Variants in IGLL5 observed in about 807,000 individuals in gnomAD.
The protein encoded by IGLL5 is immunoglobulin lambda-like polypeptide 5.
IGLL5 carries 30 observed loss-of-function variants against 20.9 expected under a neutral mutation model. The ratio of observed to expected loss-of-function variants is 1.44; its 90% CI spans 1.07 to 1.95. The LOEUF is 1.95. IGLL5 is among the 30% of genes most tolerant of loss of function. The pLI is 0.00. For synonymous variants in IGLL5, 203 were observed against 117.3 expected (o/e 1.73, Z -4.72); for missense variants, 475 against 270.7 (o/e 1.75, Z -5.30).
intron 1 of IGLL5, among the ~76,000 whole-genome samples, chr22:22,888,651 T>C (rs1228301875): frequency 4.0e-5 from 6 of 151,194 alleles, no homozygotes; most frequent in South Asian, 2.1e-4. Flanking sequence ...TCTCTGCCCA[T>C]GTGCCTCCTG....
intron 1 of IGLL5, among the ~76,000 whole-genome samples, chr22:22,893,161 T>C (rs1046018368): frequency 5.3e-5 from 8 of 150,872 alleles, no homozygotes; most frequent in African/African-American, 9.7e-5. Context: ...GGATGATAGA[T>C]TGATGGACAA....
intron 1 of IGLL5, among the ~76,000 whole-genome samples, chr22:22,888,573 A>G (rs1464446210): frequency 2.0e-5 from 3 of 151,358 alleles, no homozygotes; most frequent in African/African-American, 2.4e-5. Context: ...AGGCAGGGAC[A>G]GGACATCCAC....
chr22:22,889,542 A>T (rs540769342), intron 1 of IGLL5, among the ~76,000 whole-genome samples: 1 of 151,298 alleles, frequency 6.6e-6, no homozygotes, highest in East Asian at 2.0e-4. Flanking sequence ...AAAAAATCCA[A>T]ATATCTACCA....
chr22:22,890,183 A>G (rs1384122955), intron 1 of IGLL5, among the ~76,000 whole-genome samples: 3 of 149,890 alleles, frequency 2.0e-5, no homozygotes, highest in African/African-American at 2.5e-5. Context: ...AAAAAGATTA[A>G]GCAGAGAAGT....
chr22:22,888,331 C>T (rs2067582936), intron 1 of IGLL5, 72 bp downstream of exon 1: 2 of 1,430,868 alleles, frequency 1.4e-6, no homozygotes, highest in Non-Finnish European at 1.9e-6. Context: ...CAAGGGGAGA[C>T]AAGCCAGAGG....
intron 1 of IGLL5, among the ~76,000 whole-genome samples, chr22:22,890,577 GT>G (rs1229273670): frequency 7.0e-6 from 1 of 143,266 alleles, no homozygotes; most frequent in Non-Finnish European, 1.5e-5. Context: ...GTGTGTGTGT[GT>G]GTGTGTGTGT....
Position 22,895,752 on chromosome 22 carries a change from G to T in IGLL5, c.*58G>T, listed in dbSNP as rs2066754628. 1 of 1,514,810 alleles carries T rather than the reference G, an allele frequency of 6.6e-7. No individual in the cohort carries two copies. Among genetic ancestry groups the T allele is most frequent in the Non-Finnish European group, 9.2e-7 (1 of 1,090,542 alleles). 93.8% of individuals were successfully genotyped at this position (1,514,810 alleles called of 1,614,324 possible). ...GGAGCTGCAGGATCCCAGGGGAGGG[G>T]TCTCTCTCCCCATCCCAAGTCATCC... is the stretch of plus-strand genomic sequence containing the variant. On this transcript the variant is annotated 3_prime_UTR_variant, in exon 3 of 3. Coordinates refer to ENST00000526893, the MANE Select transcript of IGLL5 (RefSeq NM_001178126.2).
chr22:22,894,043 G>C, intron 2 of IGLL5, among the ~76,000 whole-genome samples: 1 of 150,954 alleles, frequency 6.6e-6, no homozygotes, highest in African/African-American at 2.4e-5. Flanking sequence ...GGCCTGAGCT[G>C]GGATTGGGCA....
At position 22,893,764 on chromosome 22, in the gene IGLL5, G is replaced by A. The variant is rs780170000; in HGVS notation, c.271G>A (p.Glu91Lys). Residue 91 changes from glutamate (E) to lysine (K), a missense_variant, in exon 2 of 3, where the codon GAG becomes AAG. Physicochemically the swap from Glu to Lys is moderately conservative, Grantham distance 56. Coordinates refer to ENST00000526893, the MANE Select transcript of IGLL5 (RefSeq NM_001178126.2). Reference protein sequence around the residue: ...PRCWPRGFWSEPQSLCYVFGT... With the variant: ...PRCWPRGFWSKPQSLCYVFGT... Reference sequence around the variant, plus strand: ...GTGCTGGCCCCGGGGGTTTTGGTCTGAGCCTCAGTCACTGTGTTATGTCTT... The same window carrying A: ...GTGCTGGCCCCGGGGGTTTTGGTCTAAGCCTCAGTCACTGTGTTATGTCTT... The A allele has an allele frequency of 8.1e-6, 13 of 1,608,488 alleles. 1 individual carries two copies. In the South Asian group the frequency reaches 9.9e-5, roughly 12 times the overall value.
intron 1 of IGLL5, among the ~76,000 whole-genome samples, chr22:22,892,623 G>A (rs776034034): frequency 6.6e-6 from 1 of 150,912 alleles, no homozygotes; most frequent in Non-Finnish European, 1.5e-5. Context: ...AAGTTTAGTT[G>A]TGATCTGTTG....
rs1404987463 is a variant in IGLL5 at position 22,888,402 on chromosome 22, TTGA to T, written c.206+145_206+147del. 1.8e-5 allele frequency: 12 copies of T among 654,938 alleles called. No individual in the cohort carries two copies. The Admixed American group carries it at 3.5e-4, about 19-fold the overall frequency. 40.6% of individuals were successfully genotyped at this position (654,938 alleles called of 1,614,324 possible). Reference sequence around the variant, plus strand: ...GGCTGACACTGGCTTTAGTAATGGGTTGATATTTTGTCCATCACAGATTTGTTT... The same window carrying T: ...GGCTGACACTGGCTTTAGTAATGGGTTATTTTGTCCATCACAGATTTGTTT... On this transcript the variant is annotated intron_variant, in intron 1 of 2. Coordinates refer to ENST00000526893, the MANE Select transcript of IGLL5 (RefSeq NM_001178126.2).
At position 22,893,983 on chromosome 22, in the gene IGLL5, G is replaced by A. The variant is rs564820618; in HGVS notation, c.325+165G>A. 9.4e-4 allele frequency among the ~76,000 whole-genome samples: 142 copies of A among 151,192 alleles called. 2 individuals are homozygous for A. Among genetic ancestry groups the A allele is most frequent in the African/African-American group, 3.0e-3 (122 of 41,076 alleles). On this transcript the variant is annotated intron_variant, in intron 2 of 2. Transcript: ENST00000526893. The stretch of plus-strand genomic sequence containing the variant: ...GAGGTGCATTAGTCTCCGGGTAACC[G>A]GCAGGAAGGGCCTCCACAGTGGGAG...
rs5996413 is a variant in IGLL5, at chr22:22,892,399, C to T, written c.207-1301C>T. 9.7e-4 allele frequency among the ~76,000 whole-genome samples: 147 copies of T among 151,158 alleles called. 2 individuals carry two copies. Among genetic ancestry groups the T allele is most frequent in the Middle Eastern group, 3.8e-3 (1 of 262 alleles). On this transcript the variant is annotated intron_variant, in intron 1 of 2. Coordinates refer to ENST00000526893, the MANE Select transcript of IGLL5 (RefSeq NM_001178126.2). ...GGAATAAAATCAGATTTGGAAAAAC[C>T]TGAGGATGGTTGCCATCATAAACTC...
chr22:22,890,506 T>C (rs2067803522), intron 1 of IGLL5, among the ~76,000 whole-genome samples: 1 of 147,418 alleles, frequency 6.8e-6, no homozygotes, highest in Admixed American at 7.0e-5. Flanking sequence ...AGCCAGAATT[T>C]ATTTCCACTA....
At chr22:22,895,234 T>A in intron 2 of IGLL5, 141 bp from the exon 3 acceptor site, 1 of 764,204 alleles carries the variant, frequency 1.3e-6, no homozygotes. Flanking sequence ...GTGGAAAGGA[T>A]GGGGAAAGAA....
chr22:22,888,514 T>G (rs2067608674), intron 1 of IGLL5, among the ~76,000 whole-genome samples: 2 of 151,374 alleles, frequency 1.3e-5, no homozygotes, highest in South Asian at 2.1e-4. Flanking sequence ...TTCACCAGGG[T>G]CAGTGCCTCA....
Position 22,894,622 on chromosome 22 carries a change from A to T in IGLL5, c.326-753A>T, listed in dbSNP as rs2066675124. 1.3e-5 allele frequency among the ~76,000 whole-genome samples: 2 copies of T among 151,084 alleles called. 1 individual carries two copies. Among genetic ancestry groups the T allele is most frequent in the African/African-American group, 4.9e-5 (2 of 41,210 alleles). On this transcript the variant is annotated intron_variant, in intron 2 of 2. Transcript: ENST00000526893. Reference sequence around the variant, plus strand: ...CCAGAGGGGAGTGAATGAGGGGTGCAGAGAACTCCATGGCTACCAGGTGAA... The same window carrying T: ...CCAGAGGGGAGTGAATGAGGGGTGCTGAGAACTCCATGGCTACCAGGTGAA...
At chr22:22,891,222 G>C (rs571736070) in intron 1 of IGLL5, among the ~76,000 whole-genome samples, 1 of 150,438 alleles carries the variant, frequency 6.6e-6, no homozygotes, top group Non-Finnish European at 1.5e-5. Flanking sequence ...TGGTGTATTG[G>C]TGTTTTATTT....
intron 1 of IGLL5, among the ~76,000 whole-genome samples, chr22:22,889,042 C>T (rs543595055): frequency 2.6e-5 from 4 of 151,334 alleles, no homozygotes; most frequent in South Asian, 4.2e-4. Flanking sequence ...GTGCACCATT[C>T]CCAGTCCAGG....
Sources: gnomAD v4.1 joint callset for allele counts (sites outside exome capture counted in the v4.1 genomes callset) on GRCh38, gnomAD v4.1.1 for gene constraint, MANE v1.5 for transcripts, NCBI Gene and HGNC (gene_info 2026-07-23, HGNC 2026-07-21) for gene names.